The following ACMSD variants were observed in gnomAD, a reference collection of about 807,000 sequenced individuals.
The protein encoded by ACMSD is 2-amino-3-carboxymuconate-6-semialdehyde decarboxylase.
Under a neutral mutation model 45.9 loss-of-function variants are expected in ACMSD, and 37 were observed. That is an observed-to-expected ratio of 0.81 (90% CI 0.62 to 1.06). ACMSD has a LOEUF of 1.06. ACMSD is among the 50% of genes least tolerant of loss of function. ACMSD has a pLI of 0.00. For missense variants in ACMSD, 434 were observed against 420.9 expected (o/e 1.03, Z -0.27); for synonymous variants, 138 against 148.8 (o/e 0.93, Z 0.53).
chr2:134,900,414 C>CA (rs1690431149), intron 9 of ACMSD, among the ~76,000 whole-genome samples: 1 of 152,096 alleles, frequency 6.6e-6, no homozygotes, highest in Non-Finnish European at 1.5e-5. Flanking sequence ...GCCATATTGC[C>CA]ATGCTTGTGC....
chr2:134,867,609 G>C lies in ACMSD; in HGVS notation c.517G>C (p.Val173Leu). The C allele has an allele frequency of 6.2e-7, 1 of 1,613,872 alleles. No individual in the cohort carries two copies. ...CGAAAGGCTGAAGTGTTCCCTGTTC[G>C]TGCATCCCTGGGACATGCAGATGGA... is the stretch of plus-strand genomic sequence containing the variant. ...AAERLKCSLF[V>L]HPWDMQMDGR... The change falls in exon 6 of 10, where the codon GTG becomes CTG. Residue 173 changes from valine to leucine, a missense_variant. Transcript: ENST00000356140.
chr2:134,883,315 T>C (rs546926857), intron 8 of ACMSD, among the ~76,000 whole-genome samples: 2 of 151,354 alleles, frequency 1.3e-5, no homozygotes, highest in Admixed American at 6.6e-5. Flanking sequence ...AGATCAGATA[T>C]GTTATTTGGG....
At chr2:134,862,047 T>G (rs1284402609) in intron 4 of ACMSD, 29 bp downstream of exon 4, 2 of 1,613,896 alleles carry the variant, frequency 1.2e-6, no homozygotes, top group Non-Finnish European at 1.7e-6. Context: ...GCCATCTCCT[T>G]GGTGTTGAAG....
At chr2:134,886,246 A>ATTATTATTATTATTTT in intron 8 of ACMSD, among the ~76,000 whole-genome samples, 1 of 115,476 alleles carries the variant, frequency 8.7e-6, no homozygotes, top group Non-Finnish European at 1.8e-5. Flanking sequence ...TATTATTATT[A>ATTATTATTATTATTTT]TTTTTTTTTT....
chr2:134,865,955 AC>A (rs759579824), intron 5 of ACMSD, among the ~76,000 whole-genome samples: 3 of 152,222 alleles, frequency 2.0e-5, no homozygotes, highest in Non-Finnish European at 4.4e-5. Context: ...TGCGCATCTC[AC>A]AAAAAATTAA....
chr2:134,886,519 G>T (rs1689470360), intron 8 of ACMSD, among the ~76,000 whole-genome samples: 1 of 151,968 alleles, frequency 6.6e-6, no homozygotes, highest in Non-Finnish European at 1.5e-5. Context: ...AAAGTGCTGG[G>T]ATTACAGGCG....
rs1686724008 is a variant in ACMSD at position 134,840,178 on chromosome 2, A to AC, written c.57+1439_57+1440insC. On this transcript the variant is annotated intron_variant, in intron 1 of 9. Coordinates refer to ENST00000356140, the MANE Select transcript of ACMSD (RefSeq NM_138326.3). ...TAAACTATACCTAGCAAAAAAAAAA[A>AC]AAAAAAAAAAAAAAACCACTAATTC... Among the ~76,000 whole-genome samples the AC allele has an allele frequency of 2.1e-5, 3 of 141,860 alleles. No individual in the cohort carries two copies. In the South Asian group the frequency reaches 7.1e-4, roughly 34 times the overall value. The allele number at this position is 141,860 out of a possible 152,430, so 93.1% of individuals were successfully genotyped here.
intron 6 of ACMSD, chr2:134,868,967 C>T (rs996081869): frequency 6.6e-6 from 1 of 152,130 alleles, no homozygotes; most frequent in Non-Finnish European, 1.5e-5. Flanking sequence ...GGTCCCTCAT[C>T]CGTAAAATGA....
Position 134,897,317 on chromosome 2 carries a change from T to C in ACMSD, c.850-1024T>C, listed in dbSNP as rs189302384. 1.9e-3 allele frequency among the ~76,000 whole-genome samples: 296 copies of C among 152,284 alleles called. 3 individuals carry two copies. The highest frequency in any genetic ancestry group is 7.0e-3 in the African/African-American group (289 of 41,560). ...CTTATTGAAAACAGAAATCAAAGCA[T>C]AGCAGACACATTGTTCTAGACTCTT... On this transcript the variant is annotated intron_variant, in intron 8 of 9. Transcript: ENST00000356140.
chr2:134,850,606 T>A (rs1687290698), intron 2 of ACMSD, among the ~76,000 whole-genome samples: 3 of 152,166 alleles, frequency 2.0e-5, no homozygotes, highest in Admixed American at 2.0e-4. Context: ...CAGCCAAAAC[T>A]GGCTGAAAGC....
At chr2:134,848,779 G>A (rs1461065386) in intron 2 of ACMSD, among the ~76,000 whole-genome samples, 1 of 152,160 alleles carries the variant, frequency 6.6e-6, no homozygotes, top group Non-Finnish European at 1.5e-5. Context: ...TTTAGCATTT[G>A]TCAATTTTGG....
chr2:134,872,704 C>A, intron 8 of ACMSD, 63 bp downstream of exon 8: 1 of 1,575,938 alleles, frequency 6.3e-7, no homozygotes, highest in South Asian at 1.1e-5. Context: ...GCAACCCATT[C>A]TCTCTCCTTT....
chr2:134,852,069 G>A (rs561985549), intron 2 of ACMSD, among the ~76,000 whole-genome samples: 3 of 152,178 alleles, frequency 2.0e-5, no homozygotes, highest in South Asian at 2.1e-4. Context: ...GAAAACAAAC[G>A]GCACACTTAA....
chr2:134,881,614 TTTATCA>T (rs990801944), intron 8 of ACMSD, among the ~76,000 whole-genome samples: 1 of 152,192 alleles, frequency 6.6e-6, no homozygotes, highest in African/African-American at 2.4e-5. Context: ...TGAAAAGTGA[TTTATCA>T]TTAAAGAAAG....
chr2:134,845,890 A>G (rs1283408885), intron 2 of ACMSD, among the ~76,000 whole-genome samples: 2 of 152,152 alleles, frequency 1.3e-5, no homozygotes, highest in African/African-American at 4.8e-5. Flanking sequence ...GTCCTCTCCG[A>G]GTTCAGAGGG....
At chr2:134,866,121 C>T (rs1005457339) in intron 5 of ACMSD, among the ~76,000 whole-genome samples, 2 of 151,904 alleles carry the variant, frequency 1.3e-5, no homozygotes, top group East Asian at 1.9e-4. Context: ...TTGAACTGAA[C>T]AGAAATGAGG....
chr2:134,869,761 CT>C (rs1383146867), intron 6 of ACMSD, among the ~76,000 whole-genome samples: 6 of 151,512 alleles, frequency 4.0e-5, no homozygotes, highest in Non-Finnish European at 8.8e-5. Flanking sequence ...GAATTTTATT[CT>C]GGATGCAAAG....
At chr2:134,885,372 TATATAATATATATGTAA>T (rs1689341559) in intron 8 of ACMSD, among the ~76,000 whole-genome samples, 1 of 107,592 alleles carries the variant, frequency 9.3e-6, no homozygotes, top group Non-Finnish European at 1.8e-5. Context: ...ATATATATTA[TATATAATATATATGTAA>T]ATATATATAT....
chr2:134,847,106 A>G (rs1407682299), intron 2 of ACMSD, among the ~76,000 whole-genome samples: 2 of 152,204 alleles, frequency 1.3e-5, no homozygotes, highest in Non-Finnish European at 2.9e-5. Flanking sequence ...GCCCAGCCAC[A>G]TGGGGACTTG....
Sources: allele counts gnomAD v4.1 joint callset (sites outside exome capture counted in the v4.1 genomes callset), GRCh38; gene constraint gnomAD v4.1.1; transcripts MANE v1.5; gene names NCBI Gene and HGNC (gene_info 2026-07-23, HGNC 2026-07-21).